DCAKD: variants seen among roughly 807,000 people sequenced by gnomAD.
DCAKD encodes dephospho-CoA kinase domain-containing protein.
In DCAKD, 15 loss-of-function variants were observed where a neutral mutation model predicts 18.7. That is an observed-to-expected ratio of 0.80 (90% CI 0.54 to 1.24). DCAKD has a LOEUF of 1.24. Ranked by LOEUF, DCAKD falls within the 50% of genes most tolerant of loss-of-function variation. DCAKD has a pLI of 0.00. For synonymous variants in DCAKD, 130 were observed against 133.0 expected, an observed-to-expected ratio of 0.98 and a Z score of 0.16; for missense variants, 301 against 322.0, an observed-to-expected ratio of 0.93 and a Z score of 0.50.
rs201376374 is a variant in DCAKD at position 45,024,611 on chromosome 17, C to T, written c.518G>A (p.Arg173His). Residue 173 changes from arginine (R) to histidine (H), a missense_variant, in exon 5 of 5, where the codon CGC becomes CAC. Coordinates refer to ENST00000651974, the MANE Select transcript of DCAKD (RefSeq NM_001288655.2). ...CTCGCCCGAGTTGTCTAGGACATGGCGGGCCATGCGGGCCTTGTCTGTCAG... is the reference window on the plus strand; with the variant it reads ...CTCGCCCGAGTTGTCTAGGACATGGTGGGCCATGCGGGCCTTGTCTGTCAG... ...LPLTDKARMA[R>H]HVLDNSGEWS... 234 of 1,613,862 alleles carry T rather than the reference C, an allele frequency of 1.4e-4. No individual in the cohort carries two copies. Among genetic ancestry groups the T allele is most frequent in the Middle Eastern group, 3.3e-4 (2 of 6,084 alleles).
chr17:45,040,560 G>C (rs1270312318), intron 1 of DCAKD, among the ~76,000 whole-genome samples: 1 of 152,130 alleles, frequency 6.6e-6, no homozygotes, highest in Non-Finnish European at 1.5e-5. Context: ...GCACTGTGCA[G>C]GAGAAATGGA....
upstream of DCAKD, among the ~76,000 whole-genome samples, chr17:45,052,510 A>C (rs999009815): frequency 1.3e-5 from 2 of 152,106 alleles, no homozygotes; most frequent in South Asian, 2.1e-4. Context: ...CTAGCAAGCC[A>C]CTCAGCCTCT....
chr17:45,058,756 C>G (rs1458767990), intron 1 of DCAKD, among the ~76,000 whole-genome samples: 1 of 152,032 alleles, frequency 6.6e-6, no homozygotes, highest in African/African-American at 2.4e-5. Flanking sequence ...CTCTGACCCC[C>G]CCCTTCCCTG....
chr17:45,035,491 A>G (rs1171200761), intron 1 of DCAKD, among the ~76,000 whole-genome samples: 5 of 151,344 alleles, frequency 3.3e-5, no homozygotes, highest in African/African-American at 1.2e-4. Flanking sequence ...AAAAAAAAAA[A>G]AAAAAAAAAA....
chr17:45,060,519 A>AAAAG (rs981950202), intron 1 of DCAKD, among the ~76,000 whole-genome samples: 2 of 152,164 alleles, frequency 1.3e-5, no homozygotes, highest in East Asian at 1.9e-4. Flanking sequence ...TAAAAAAGAA[A>AAAAG]AAAGAAAGAA....
chr17:45,026,218 CTTTT>C (rs1180056946), intron 4 of DCAKD, among the ~76,000 whole-genome samples: 4 of 109,166 alleles, frequency 3.7e-5, no homozygotes, highest in African/African-American at 6.9e-5. Flanking sequence ...CGCGCCTGGA[CTTTT>C]TTTTTTTTTT....
At chr17:45,050,334 G>T (rs1411048905) in intron 1 of DCAKD, among the ~76,000 whole-genome samples, 2 of 151,180 alleles carry the variant, frequency 1.3e-5, no homozygotes, top group African/African-American at 4.9e-5. Flanking sequence ...GTGAGCCACC[G>T]TGCCCGGCCC....
At chr17:45,058,008 CAAAAAAAAAAA>C (rs1183133616) in intron 1 of DCAKD, among the ~76,000 whole-genome samples, 575 of 29,022 alleles carry the variant, frequency 0.02, 10 homozygotes, top group Non-Finnish European at 0.029. Flanking sequence ...GATTCCGTCT[CAAAAAAAAAAA>C]AAAAAAAAAA....
At chr17:45,056,483 T>A, upstream of DCAKD, among the ~76,000 whole-genome samples, 1 of 152,066 alleles carries the variant, frequency 6.6e-6, no homozygotes, top group Non-Finnish European at 1.5e-5. Flanking sequence ...TATATATTTT[T>A]TTTTTCCCAA....
intron 2 of DCAKD, 30 bp from the exon 3 acceptor site, chr17:45,034,420 C>A: frequency 6.2e-7 from 1 of 1,611,572 alleles, no homozygotes; most frequent in South Asian, 1.1e-5. Flanking sequence ...CTGGGTCACT[C>A]CCTGAAGCCT....
chr17:45,031,365 GC>G (rs1002984833), intron 3 of DCAKD: 43 of 983,770 alleles, frequency 4.4e-5, no homozygotes, highest in East Asian at 1.1e-4. Context: ...TTGGTTGGTA[GC>G]CCCCCCACCT....
At chr17:45,027,034 T>C (rs905106993) in intron 4 of DCAKD, among the ~76,000 whole-genome samples, 1 of 152,200 alleles carries the variant, frequency 6.6e-6, no homozygotes, top group Admixed American at 6.6e-5. Context: ...ATTCCACAAT[T>C]GACAAATTTT....
intron 1 of DCAKD, among the ~76,000 whole-genome samples, chr17:45,040,559 A>G (rs1262231308): frequency 2.0e-5 from 3 of 152,168 alleles, no homozygotes; most frequent in Non-Finnish European, 2.9e-5. Flanking sequence ...TGCACTGTGC[A>G]GGAGAAATGG....
At chr17:45,042,174 C>A (rs2053454074) in intron 1 of DCAKD, among the ~76,000 whole-genome samples, 1 of 152,114 alleles carries the variant, frequency 6.6e-6, no homozygotes, top group Non-Finnish European at 1.5e-5. Flanking sequence ...AGCATGGGAG[C>A]AAGTCACATC....
At chr17:45,059,219 G>A (rs924107412) in intron 1 of DCAKD, among the ~76,000 whole-genome samples, 4 of 152,074 alleles carry the variant, frequency 2.6e-5, no homozygotes, top group South Asian at 2.1e-4. Context: ...CAGCCTGGGC[G>A]ACAGAGCAAG....
chr17:45,057,100 C>T (rs1282177067), intron 1 of DCAKD, among the ~76,000 whole-genome samples: 1 of 152,072 alleles, frequency 6.6e-6, no homozygotes, highest in African/African-American at 2.4e-5. Context: ...CGGGGCCTTG[C>T]CATGTTGTCC....
At chr17:45,029,855 C>CG (rs772001279) in intron 4 of DCAKD, among the ~76,000 whole-genome samples, 2 of 152,034 alleles carry the variant, frequency 1.3e-5, no homozygotes, top group African/African-American at 2.4e-5. Flanking sequence ...CAATGGTCAG[C>CG]GGGGGAGCGC....
rs534998697 is a variant in DCAKD at position 45,042,979 on chromosome 17, G to C, written c.-114-7980C>G. On this transcript the variant is annotated intron_variant, in intron 1 of 4. Transcript: ENST00000651974. ...CCAGCTTTCATGAATGAGCAGGGAG[G>C]CTGTTTGGACTGGACTACTTTGTTG... is the stretch of plus-strand genomic sequence containing the variant. Among the ~76,000 whole-genome samples, 48 of 152,312 alleles carry C rather than the reference G, an allele frequency of 3.2e-4. 3 individuals carry two copies. The South Asian group carries it at 6.0e-3, about 19-fold the overall frequency.
intron 1 of DCAKD, among the ~76,000 whole-genome samples, chr17:45,041,781 ACAGTAC>A (rs2053442807): frequency 6.6e-6 from 1 of 151,796 alleles, no homozygotes; most frequent in Non-Finnish European, 1.5e-5. Context: ...CAATAAACTC[ACAGTAC>A]CAGTAAGTGT....
Sources: gnomAD v4.1 joint callset for allele counts (sites outside exome capture counted in the v4.1 genomes callset) on GRCh38, gnomAD v4.1.1 for gene constraint, MANE v1.5 for transcripts, NCBI Gene and HGNC (gene_info 2026-07-23, HGNC 2026-07-21) for gene names.